Variants in OGFR observed in about 807,000 individuals in gnomAD.
OGFR encodes the protein protein 7-60.
A neutral mutation model predicts 33.6 loss-of-function variants in OGFR; 18 were observed. The observed-to-expected ratio is 0.54, with a 90% CI of 0.37 to 0.80. OGFR has a LOEUF of 0.80. OGFR is among the 30% of genes least tolerant of loss of function. OGFR has a pLI of 0.00. For synonymous variants in OGFR, 370 were observed against 400.7 expected (o/e 0.92, Z 0.91); for missense variants, 877 against 955.8 (o/e 0.92, Z 1.09).
At chr20:62,811,338 A>T (rs571738682) in intron 5 of OGFR, 124 bp from the exon 6 acceptor site, 24 of 1,076,526 alleles carry the variant, frequency 2.2e-5, no homozygotes, top group African/African-American at 6.3e-5. Flanking sequence ...TCTCTAAATA[A>T]ATGTCTGTCT....
intron 1 of OGFR, chr20:62,805,923 CAG>C (rs1404352718): frequency 6.6e-6 from 1 of 152,564 alleles, no homozygotes; most frequent in Admixed American, 6.5e-5. Context: ...AAGCGGTGCT[CAG>C]AGGCCCTGAC....
intron 4 of OGFR, among the ~76,000 whole-genome samples, chr20:62,809,963 G>A (rs1356057338): frequency 6.6e-6 from 1 of 152,254 alleles, no homozygotes; most frequent in Non-Finnish European, 1.5e-5. Flanking sequence ...GGCAGCCTTA[G>A]TGCCAGGAGG....
intron 5 of OGFR, 108 bp from the exon 6 acceptor site, chr20:62,811,354 T>C: frequency 1.7e-6 from 2 of 1,183,112 alleles, no homozygotes; most frequent in South Asian, 1.4e-5. Context: ...TGTCTGTCTG[T>C]CTGTCTAGTC....
intron 1 of OGFR, 96 bp from the exon 2 acceptor site, chr20:62,807,441 C>G: frequency 1.9e-6 from 2 of 1,040,306 alleles, no homozygotes; most frequent in Non-Finnish European, 2.9e-6. Context: ...AAAGACAGCT[C>G]TGTGGCAGCT....
In OGFR at chr20:62,813,036, G is replaced by A. The variant is rs746850983; in HGVS notation, c.1421G>A (p.Gly474Asp). The change falls in exon 7 of 7, where the codon GGT becomes GAT. Residue 474 changes from glycine (G) to aspartate (D), a missense_variant. Physicochemically the swap from Gly to Asp is moderately conservative, Grantham distance 94. Around this residue, in one of 3 missense-constraint regions of OGFR, gnomAD observed 760 missense variants for 736.0 expected, o/e 1.03. Transcript: ENST00000290291. ...GGGGACAGTGCTGCGGTGGCCAGTGGTGGTGCCCAGACCTTGGCCCTTGCC... is the reference window on the plus strand; with the variant it reads ...GGGGACAGTGCTGCGGTGGCCAGTGATGGTGCCCAGACCTTGGCCCTTGCC... ...GAGDSAAVAS[G>D]GAQTLALAGS... The A allele has an allele frequency of 2.5e-6, 4 of 1,598,412 alleles. No homozygotes were observed. The highest frequency in any genetic ancestry group is 2.6e-6 in the Non-Finnish European group (3 of 1,172,848).
Position 62,811,372 on chromosome 20 carries a change from C to G in OGFR, c.466-90C>G. 3 of 1,411,722 alleles carry G rather than the reference C, an allele frequency of 2.1e-6. No homozygotes were observed. In the Admixed American group the frequency reaches 5.9e-5, roughly 28 times the overall value. The allele number at this position is 1,411,722 out of a possible 1,614,324, so 87.4% of individuals were successfully genotyped here. ...CTGTCTGTCTGTCTAGTCCAGGCCT[C>G]TGAGTGAGTCGGGACCCACGGCCAC... On this transcript the variant is annotated intron_variant, in intron 5 of 6. Coordinates refer to ENST00000290291, the MANE Select transcript of OGFR (RefSeq NM_007346.4).
At position 62,813,613 on chromosome 20, in the gene OGFR, A is replaced by C. The variant is rs776893438; in HGVS notation, c.1998A>C (p.Ala666=). 1 of 1,612,816 alleles carries C rather than the reference A, an allele frequency of 6.2e-7. No homozygotes were observed. The highest frequency in any genetic ancestry group is 1.1e-5 in the South Asian group (1 of 91,068). The change falls in exon 7 of 7, where the codon GCA becomes GCC. Residue 666 remains alanine (A), a synonymous_variant. Transcript: ENST00000290291. Reference sequence around the variant, plus strand: ...GGGAGGCAGCAGAGTTGCAGGACGCAGAGGTGGAGTCTTCTGCCAAGTCTG... The same window carrying C: ...GGGAGGCAGCAGAGTTGCAGGACGCCGAGGTGGAGTCTTCTGCCAAGTCTG... ...KAGEAAELQD[A]EVESSAKSGK...
chr20:62,809,624 A>G lies in OGFR; in HGVS notation c.359A>G (p.Asn120Ser), dbSNP rs746280677. The G allele has an allele frequency of 1.2e-6, 2 of 1,607,156 alleles. No homozygotes were observed. Among genetic ancestry groups the G allele is most frequent in the East Asian group, 4.5e-5 (2 of 44,194 alleles). ...IEDILQNWTDNYDLLEDNHSY... is the reference protein window; with the variant it reads ...IEDILQNWTDSYDLLEDNHSY... ...GACATTCTTCAGAACTGGACGGACA[A>G]CTATGACCTCCTTGAGGACAATCAC... Residue 120 changes from asparagine (N) to serine (S), a missense_variant, in exon 4 of 7, where the codon AAC (asparagine) becomes AGC (serine). Asn to Ser is a conservative substitution (Grantham distance 46, BLOSUM62 1). Around this residue, in one of 3 missense-constraint regions of OGFR, gnomAD observed 760 missense variants for 736.0 expected, o/e 1.03. Transcript: ENST00000290291.
intron 6 of OGFR, 88 bp from the exon 7 acceptor site, chr20:62,812,142 A>G: frequency 2.5e-6 from 3 of 1,188,924 alleles, no homozygotes; most frequent in Non-Finnish European, 3.5e-6. Context: ...GACCTCGTGG[A>G]GCCGGGTGGG....
intron 1 of OGFR, chr20:62,806,500 G>A (rs1432057169): frequency 6.6e-6 from 1 of 152,200 alleles, no homozygotes; most frequent in Non-Finnish European, 1.5e-5. Flanking sequence ...AGATTGCCTG[G>A]GAGGTGGAGG....
In OGFR at chr20:62,813,738, C is replaced by G. The variant is rs912285579; in HGVS notation, c.*89C>G. 1 of 1,480,194 alleles carries G rather than the reference C, an allele frequency of 6.8e-7. No individual in the cohort carries two copies. Among genetic ancestry groups the G allele is most frequent in the Non-Finnish European group, 9.4e-7 (1 of 1,065,474 alleles). The allele number at this position is 1,480,194 out of a possible 1,614,324, so 91.7% of individuals were successfully genotyped here. Reference sequence around the variant, plus strand: ...AGCTGCTGCGGGCTCCCCTCAGGCTCTGCTTCGTGACCCGTGACCCATGAC... The same window carrying G: ...AGCTGCTGCGGGCTCCCCTCAGGCTGTGCTTCGTGACCCGTGACCCATGAC... On this transcript the variant is annotated 3_prime_UTR_variant, in exon 7 of 7. Coordinates refer to ENST00000290291, the MANE Select transcript of OGFR (RefSeq NM_007346.4).
At chr20:62,806,546 T>G (rs1030077726) in intron 1 of OGFR, 2 of 151,542 alleles carry the variant, frequency 1.3e-5, no homozygotes, top group African/African-American at 2.4e-5. Flanking sequence ...AGGTGGAGAT[T>G]GCATGAAGCT....
chr20:62,807,805 C>T lies in OGFR; in HGVS notation c.240+200C>T, dbSNP rs374778518. ...CCTCTCGCGGGAGACCGGGGGCATC[C>T]CCCTACTTTTCTGAGCTTCAGCACA... On this transcript the variant is annotated intron_variant, in intron 2 of 6. Coordinates refer to ENST00000290291, the MANE Select transcript of OGFR (RefSeq NM_007346.4). The T allele has an allele frequency of 4.4e-5, 27 of 619,102 alleles. No individual in the cohort carries two copies. In the African/African-American group the frequency reaches 5.0e-4, roughly 11 times the overall value. 38.4% of individuals were successfully genotyped at this position (619,102 alleles called of 1,614,324 possible).
Position 62,813,699 on chromosome 20 carries a change from GC to G in OGFR, c.*51del, listed in dbSNP as rs769647601. 1 of 1,588,992 alleles carries G rather than the reference GC, an allele frequency of 6.3e-7. No homozygotes were observed. The highest frequency in any genetic ancestry group is 8.6e-7 in the Non-Finnish European group (1 of 1,159,922). ...TGGTCCTCCTGTCCCTGCTGCAGGG[GC>G]TGGGGCCTCCGGAGCTGCTGCGGGC... On this transcript the variant is annotated 3_prime_UTR_variant, in exon 7 of 7. Transcript: ENST00000290291.
chr20:62,808,571 A>G (rs1200710973), intron 3 of OGFR, among the ~76,000 whole-genome samples: 1 of 152,268 alleles, frequency 6.6e-6, no homozygotes, highest in African/African-American at 2.4e-5. Flanking sequence ...GCAGCTTTTC[A>G]GGCCACACAG....
intron 3 of OGFR, among the ~76,000 whole-genome samples, 197 bp downstream of exon 3, chr20:62,808,522 G>T (rs569410648): frequency 9.9e-5 from 15 of 152,184 alleles, no homozygotes; most frequent in South Asian, 4.1e-4. Flanking sequence ...TTTGGGTCGG[G>T]GTGGGCTATC....
In OGFR at chr20:62,810,549, C is replaced by T. The variant is rs139250449; in HGVS notation, c.449C>T (p.Thr150Met). Residue 150 changes from threonine to methionine, a missense_variant, in exon 5 of 7, where the codon ACG becomes ATG. By Grantham distance (81) the Thr-to-Met change is moderately conservative. Coordinates refer to ENST00000290291, the MANE Select transcript of OGFR (RefSeq NM_007346.4). The part of the protein sequence containing the change: ...PGVNWHAKPL[T>M]LREVEVFKSS... ...GTGAACTGGCATGCCAAGCCCCTCA[C>T]GCTCAGGGAGGTCGAGGTGAGCCAG... 211 of 1,612,992 alleles carry T rather than the reference C, an allele frequency of 1.3e-4. No individual in the cohort carries two copies. The African/African-American group carries it at 1.9e-3, about 15-fold the overall frequency.
intron 1 of OGFR, 79 bp downstream of exon 1, chr20:62,805,109 C>T (rs1322503213): frequency 8.5e-7 from 1 of 1,174,036 alleles, no homozygotes. Context: ...ACCCCCCCAT[C>T]CCGGGCGGAG....
rs761628704 is a variant in OGFR at position 62,812,569 on chromosome 20, C to A, written c.954C>A (p.Asp318Glu). 1.9e-6 allele frequency: 3 copies of A among 1,578,812 alleles called. No homozygotes were observed. Among genetic ancestry groups the A allele is most frequent in the Non-Finnish European group, 2.6e-6 (3 of 1,162,744 alleles). The change falls in exon 7 of 7, where the codon GAC becomes GAA. Residue 318 changes from aspartate to glutamate, a missense_variant. Around this residue, in one of 3 missense-constraint regions of OGFR, gnomAD observed 760 missense variants for 736.0 expected, o/e 1.03. Coordinates refer to ENST00000290291, the MANE Select transcript of OGFR (RefSeq NM_007346.4). ...TGGAGGAGGAAGGAAGCCCCGGGGA[C>A]CCCGACCACGAGGCCAGCACCCAGG... ...RKVEEEGSPG[D>E]PDHEASTQGR...
Sources: gnomAD v4.1 joint callset for allele counts (sites outside exome capture counted in the v4.1 genomes callset) on GRCh38, gnomAD v4.1.1 for gene constraint, gnomAD v4.1.1 regional missense constraint, MANE v1.5 for transcripts, NCBI Gene and HGNC (gene_info 2026-07-23, HGNC 2026-07-21) for gene names.